SERPINF2: variants seen among roughly 807,000 people sequenced by gnomAD.
SERPINF2 encodes the protein serpin family F member 2.
SERPINF2 carries 15 observed loss-of-function variants against 45.0 expected under a neutral mutation model. The observed-to-expected ratio is 0.33, with a 90% CI of 0.22 to 0.51. The LOEUF (loss-of-function observed/expected upper bound fraction) is 0.51, where lower values mean the gene tolerates loss of function less well. Ranked by LOEUF, SERPINF2 falls within the 20% of genes least tolerant of loss-of-function variation. SERPINF2 has a pLI of 0.97. For synonymous variants in SERPINF2, 283 were observed against 277.9 expected (o/e 1.02, Z -0.18); for missense variants, 518 against 637.4 (o/e 0.81, Z 2.02).
Position 1,748,660 on chromosome 17 carries a change from C to A in SERPINF2, c.778C>A (p.Gln260Lys). 1 of 1,613,666 alleles carries A rather than the reference C, an allele frequency of 6.2e-7. No individual in the cohort carries two copies. The highest frequency in any genetic ancestry group is 8.5e-7 in the Non-Finnish European group (1 of 1,179,598). Residue 260 changes from glutamine (Q) to lysine (K), a missense_variant, in exon 8 of 10, where the codon CAG becomes AAG. This residue lies in a region of SERPINF2 where 435 missense variants were observed against 577.3 expected (regional missense o/e 0.75). Transcript: ENST00000453066. ...TQRDSFHLDE[Q>K]FTVPVEMMQA... ...GAGAGACTCCTTCCACCTGGACGAGCAGTTCACGGTGCCCGTGGAAATGAT... is the reference window on the plus strand; with the variant it reads ...GAGAGACTCCTTCCACCTGGACGAGAAGTTCACGGTGCCCGTGGAAATGAT...
chr17:1,748,884 G>A (rs1220363542), intron 8 of SERPINF2, 144 bp downstream of exon 8: 6 of 724,916 alleles, frequency 8.3e-6, no homozygotes, highest in African/African-American at 1.7e-5. Context: ...ACTGCAAAAG[G>A]TCCCATGATC....
At chr17:1,753,706 A>G (rs768005409) in intron 9 of SERPINF2, among the ~76,000 whole-genome samples, 8 of 152,172 alleles carry the variant, frequency 5.3e-5, no homozygotes, top group Admixed American at 2.0e-4. Flanking sequence ...TATAATAACT[A>G]AAATAAATAA....
intron 8 of SERPINF2, among the ~76,000 whole-genome samples, chr17:1,750,791 C>T (rs1461875083): frequency 6.6e-6 from 1 of 152,156 alleles, no homozygotes; most frequent in Admixed American, 6.5e-5. Context: ...CTTGGGCAGC[C>T]CTCCTGGGAG....
At chr17:1,750,177 TTCTC>T (rs1262961100) in intron 8 of SERPINF2, among the ~76,000 whole-genome samples, 1 of 150,362 alleles carries the variant, frequency 6.7e-6, no homozygotes, top group Non-Finnish European at 1.5e-5. Context: ...GAGACGGAGT[TTCTC>T]TCTATCGCCC....
rs1402918376 is a variant in SERPINF2 at position 1,745,481 on chromosome 17, C to T, written c.165+86C>T. ...AGGGGTCGGGGGGTGGGGGCGCGTGCTGAGGCTGAGGCTCTGGAGTCCAGA... is the reference window on the plus strand; with the variant it reads ...AGGGGTCGGGGGGTGGGGGCGCGTGTTGAGGCTGAGGCTCTGGAGTCCAGA... On this transcript the variant is annotated intron_variant, in intron 4 of 9. Coordinates refer to ENST00000453066, the MANE Select transcript of SERPINF2 (RefSeq NM_000934.4). The surrounding 1 kb of genome is among the most constrained non-coding windows in gnomAD (Gnocchi z 6.2). 3.5e-6 allele frequency: 5 copies of T among 1,444,704 alleles called. No individual in the cohort carries two copies. Among genetic ancestry groups the T allele is most frequent in the Non-Finnish European group, 4.8e-6 (5 of 1,045,852 alleles). The allele number at this position is 1,444,704 out of a possible 1,614,324, so 89.5% of individuals were successfully genotyped here. A position where few individuals can be genotyped will look rare whatever the true frequency, so the allele number is the denominator to read the frequency against.
Position 1,745,214 on chromosome 17 carries a change from G to A in SERPINF2, c.102+1G>A. The A allele has an allele frequency of 1.3e-6, 2 of 1,571,246 alleles. No homozygotes were observed. Among genetic ancestry groups the A allele is most frequent in the Non-Finnish European group, 1.7e-6 (2 of 1,158,682 alleles). ...CGCCATGGAGCCCTTGGGCCGGCAG[G>A]TACTGGGGAGTGAGGAGCCTGTGAT... On this transcript the variant is annotated splice_donor_variant, in intron 3 of 9. Transcript: ENST00000453066. LOFTEE classifies it high-confidence loss of function. This position sits in a 1 kb window ranked among gnomAD's most constrained non-coding sequence, Gnocchi z 6.2.
chr17:1,745,298 A>G lies in SERPINF2; in HGVS notation c.103-35A>G, dbSNP rs1421025017. On this transcript the variant is annotated intron_variant, in intron 3 of 9. Transcript: ENST00000453066. This position sits in a 1 kb window ranked among gnomAD's most constrained non-coding sequence, Gnocchi z 6.2. ...TGGGCAGGGTGGGGGGCCTGTGGGA[A>G]GGGTCGGTCTCCATCTGCTTGCTCC... 6.2e-7 allele frequency: 1 copy of G among 1,611,784 alleles called. No individual in the cohort carries two copies. The highest frequency in any genetic ancestry group is 1.7e-5 in the Admixed American group (1 of 59,866).
At chr17:1,751,974 A>G (rs1462943012) in intron 8 of SERPINF2, among the ~76,000 whole-genome samples, 1 of 138,644 alleles carries the variant, frequency 7.2e-6, no homozygotes, top group Non-Finnish European at 1.6e-5. Context: ...TCACACGGCC[A>G]GCTGGTAGCC....
chr17:1,745,239 TG>T lies in SERPINF2; in HGVS notation c.102+32del, dbSNP rs767986188. 4 of 1,253,092 alleles carry T rather than the reference TG, an allele frequency of 3.2e-6. No individual in the cohort carries two copies. The highest frequency in any genetic ancestry group is 5.1e-5 in the African/African-American group (2 of 39,072). The allele number at this position is 1,253,092 out of a possible 1,614,324, so 77.6% of individuals were successfully genotyped here. On this transcript the variant is annotated intron_variant, in intron 3 of 9. Transcript: ENST00000453066. The surrounding 1 kb of genome is among the most constrained non-coding windows in gnomAD (Gnocchi z 6.2). ...GTACTGGGGAGTGAGGAGCCTGTGA[TG>T]GGGGGAAGGTCCCGGGGGTCTCACT...
intron 9 of SERPINF2, 73 bp downstream of exon 9, chr17:1,752,863 G>A: frequency 1.5e-6 from 2 of 1,352,068 alleles, no homozygotes; most frequent in Non-Finnish European, 2.1e-6. Flanking sequence ...CGTCTGGCTG[G>A]CAGTGGAGCT....
chr17:1,748,530 C>T (rs564819505), intron 7 of SERPINF2, 68 bp from the exon 8 acceptor site: 33 of 1,593,236 alleles, frequency 2.1e-5, no homozygotes, highest in Middle Eastern at 1.7e-4. Flanking sequence ...TCCCCATCGA[C>T]GTGACCCCTG....
rs376380081 is a variant in SERPINF2, at chr17:1,748,758, A to G, written c.858+18A>G. On this transcript the variant is annotated intron_variant, in intron 8 of 9. Transcript: ENST00000453066. ...AGATCCAGGTCACCCTTGGTTGTCC[A>G]GCAGGCTGGGCCTGAGGCTGGGAGG... is the stretch of plus-strand genomic sequence containing the variant. The G allele has an allele frequency of 4.7e-6, 6 of 1,279,762 alleles. No homozygotes were observed. The African/African-American group carries it at 5.8e-5, about 12-fold the overall frequency. 79.3% of individuals were successfully genotyped at this position (1,279,762 alleles called of 1,614,324 possible).
intron 8 of SERPINF2, among the ~76,000 whole-genome samples, chr17:1,750,202 G>C (rs538125811): frequency 6.6e-6 from 1 of 152,220 alleles, no homozygotes; most frequent in Admixed American, 6.5e-5. Context: ...AGACTGGAGT[G>C]CAGTGGTGCA....
chr17:1,754,491 C>G lies in SERPINF2; in HGVS notation c.1433C>G (p.Pro478Arg). ...KLFGPDLKLV[P>R]PMEEDYPQFG... ...TTCGGCCCTGACTTAAAACTTGTGC[C>G]CCCCATGGAGGAGGATTACCCCCAG... The change falls in exon 10 of 10, where the codon CCC (proline) becomes CGC (arginine). Residue 478 changes from proline (P) to arginine (R), a missense_variant. By Grantham distance (103) the Pro-to-Arg change is moderately radical. Transcript: ENST00000453066. 1.9e-6 allele frequency: 3 copies of G among 1,609,306 alleles called. No homozygotes were observed. The highest frequency in any genetic ancestry group is 2.5e-6 in the Non-Finnish European group (3 of 1,178,162).
At chr17:1,743,738 AAGAC>A (rs1468221615) in intron 1 of SERPINF2, among the ~76,000 whole-genome samples, 1 of 149,014 alleles carries the variant, frequency 6.7e-6, no homozygotes, top group African/African-American at 2.5e-5. Context: ...AAAAAAAAAA[AAGAC>A]AGGCTAAATG....
intron 1 of SERPINF2, chr17:1,743,158 T>G: frequency 3.2e-6 from 3 of 948,862 alleles, no homozygotes; most frequent in Non-Finnish European, 3.8e-6. Flanking sequence ...CCAGAAGGGT[T>G]GGCCCCAAGA....
chr17:1,746,395 G>C (rs544339574), intron 5 of SERPINF2, among the ~76,000 whole-genome samples: 1 of 151,854 alleles, frequency 6.6e-6, no homozygotes, highest in Non-Finnish European at 1.5e-5. Context: ...GGACTGGGCC[G>C]GGGAATCTGC....
chr17:1,754,334 C>G lies in SERPINF2; in HGVS notation c.1276C>G (p.Leu426Val). Residue 426 changes from leucine to valine, a missense_variant, in exon 10 of 10, where the codon CTT (leucine) becomes GTT (valine). By Grantham distance (32) the Leu-to-Val change is conservative (BLOSUM62 1). Transcript: ENST00000453066. ...LFFIFEDTTG[L>V]PLFVGSVRNP... The stretch of plus-strand genomic sequence containing the variant: ...CTTCATCTTCGAGGACACCACAGGC[C>G]TTCCCCTCTTCGTGGGCAGCGTGAG... 6.2e-7 allele frequency: 1 copy of G among 1,614,184 alleles called. No homozygotes were observed. Among genetic ancestry groups the G allele is most frequent in the Non-Finnish European group, 8.5e-7 (1 of 1,180,018 alleles).
rs1905714638 is a variant in SERPINF2 at position 1,745,351 on chromosome 17, C to G, written c.121C>G (p.Gln41Glu). The G allele has an allele frequency of 1.2e-6, 2 of 1,612,966 alleles. No homozygotes were observed. Among genetic ancestry groups the G allele is most frequent in the East Asian group, 2.2e-5 (1 of 44,848 alleles). ...LGRQLTSGPN[Q>E]EQVSPLTLLK... ...TCCGCAGCTAACTAGCGGGCCGAAC[C>G]AGGAGCAGGTGTCCCCACTTACCCT... Residue 41 changes from glutamine to glutamate, a missense_variant, in exon 4 of 10, where the codon CAG becomes GAG. By Grantham distance (29) the Gln-to-Glu change is conservative. Coordinates refer to ENST00000453066, the MANE Select transcript of SERPINF2 (RefSeq NM_000934.4). This position sits in a 1 kb window ranked among gnomAD's most constrained non-coding sequence, Gnocchi z 6.2.
Sources: gnomAD v4.1 joint callset for allele counts (sites outside exome capture counted in the v4.1 genomes callset) on GRCh38, gnomAD v4.1.1 for gene constraint, gnomAD v4.1.1 regional missense constraint, Gnocchi (gnomAD v3.1) non-coding constraint, MANE v1.5 for transcripts, NCBI Gene and HGNC (gene_info 2026-07-23, HGNC 2026-07-21) for gene names.